Variants in TENM2 observed in about 807,000 individuals in gnomAD.
TENM2 encodes teneurin transmembrane protein 2.
TENM2 carries 52 observed loss-of-function variants against 245.2 expected under a neutral mutation model. The observed-to-expected ratio is 0.21, with a 90% CI of 0.17 to 0.27. TENM2 has a LOEUF of 0.27. TENM2 is among the 10% of genes least tolerant of loss of function. The probability of loss-of-function intolerance (pLI) is 1.00; values close to 1 mark genes in which losing one functional copy is unlikely to be tolerated. For missense variants in TENM2, 3,046 were observed against 3,666.8 expected (o/e 0.83, Z 4.37); for synonymous variants, 1,363 against 1,438.9 (o/e 0.95, Z 1.19).
chr5:167,179,545 T>G, the TENM2 span, among the ~76,000 whole-genome samples: 1 of 152,270 alleles, frequency 6.6e-6, no homozygotes, highest in African/African-American at 2.4e-5. Context: ...CTTTAGTAAA[T>G]AAGGCTTATT....
intron 3 of TENM2, among the ~76,000 whole-genome samples, chr5:167,886,364 C>A (rs1774290674): frequency 1.3e-5 from 2 of 152,074 alleles, no homozygotes; most frequent in Non-Finnish European, 2.9e-5. Context: ...CATGGCCCAG[C>A]TCTGAATAGC....
At chr5:167,472,977 A>G (rs1767132382) in intron 2 of TENM2, among the ~76,000 whole-genome samples, 1 of 152,194 alleles carries the variant, frequency 6.6e-6, no homozygotes, top group South Asian at 2.1e-4. Context: ...CTGGACAATA[A>G]ACAAATTGGG....
At chr5:167,045,650 A>G in the TENM2 span, among the ~76,000 whole-genome samples, 1 of 152,236 alleles carries the variant, frequency 6.6e-6, no homozygotes, top group Non-Finnish European at 1.5e-5. Context: ...GGAAAAGCAC[A>G]GCTAGTCTAT....
the TENM2 span, among the ~76,000 whole-genome samples, chr5:166,985,843 C>T: frequency 3.3e-5 from 5 of 151,922 alleles, no homozygotes; most frequent in Non-Finnish European, 7.4e-5. Flanking sequence ...AAGTCATCAC[C>T]CAAAAAAGTG....
chr5:167,340,527 C>T lies in TENM2; in HGVS notation c.227-34671C>T, dbSNP rs552493278. 5.3e-4 allele frequency among the ~76,000 whole-genome samples: 80 copies of T among 152,262 alleles called. 1 individual carries two copies. Among genetic ancestry groups the T allele is most frequent in the Admixed American group, 5.1e-3 (78 of 15,292 alleles). ...ACAGAGAGAGGTTTGGTATCCCTTC[C>T]TCTTCTTGTAAGGGCACCCTTCTAT... On this transcript the variant is annotated intron_variant, in intron 1 of 28. Coordinates refer to ENST00000518659, the Ensembl canonical transcript of TENM2.
At chr5:167,285,264 A>G (rs1771267143) in intron 1 of TENM2, among the ~76,000 whole-genome samples, 1 of 152,200 alleles carries the variant, frequency 6.6e-6, no homozygotes, top group Non-Finnish European at 1.5e-5. Flanking sequence ...TGGTTTCTCA[A>G]AACTATTCTC....
At chr5:167,996,719 T>TTTTGTTTGTTTGTTTG (rs71281808) in intron 5 of TENM2, among the ~76,000 whole-genome samples, 5,730 of 150,962 alleles carry the variant, frequency 0.038, 254 homozygotes, top group African/African-American at 0.096. Context: ...TTGAATCACT[T>TTTTGTTTGTTTGTTTG]TTTGTTTGTT....
At chr5:167,074,740 C>G in the TENM2 span, among the ~76,000 whole-genome samples, 4 of 152,146 alleles carry the variant, frequency 2.6e-5, no homozygotes, top group Non-Finnish European at 5.9e-5. Flanking sequence ...GGGTGCGCGG[C>G]CTGAACAGGG....
chr5:168,001,273 T>A (rs1474256580), intron 5 of TENM2, among the ~76,000 whole-genome samples: 1 of 152,178 alleles, frequency 6.6e-6, no homozygotes, highest in Non-Finnish European at 1.5e-5. Flanking sequence ...AAGCACCACA[T>A]TTAAGCCCTC....
At chr5:167,913,498 A>G (rs1221362270) in intron 3 of TENM2, among the ~76,000 whole-genome samples, 2 of 152,206 alleles carry the variant, frequency 1.3e-5, no homozygotes, top group African/African-American at 2.4e-5. Flanking sequence ...ACATGTTCCC[A>G]TTTCTCAATC....
At position 167,445,311 on chromosome 5, in the gene TENM2, T is replaced by TTA. The variant is rs755614167; in HGVS notation, c.502+69863_502+69864dup. ...GTCAGGCTTATTATAAACCATATGA[T>TTA]TATATATATATATATATATATATAT... is the stretch of plus-strand genomic sequence containing the variant. On this transcript the variant is annotated intron_variant, in intron 2 of 28. Transcript: ENST00000518659. Among the ~76,000 whole-genome samples, 534 of 69,920 alleles carry TTA rather than the reference T, an allele frequency of 7.6e-3. 3 individuals are homozygous for TTA. Among genetic ancestry groups the TTA allele is most frequent in the African/African-American group, 0.027 (317 of 11,914 alleles). The allele number at this position is 69,920 out of a possible 152,430, so 45.9% of individuals were successfully genotyped here. A position where few individuals can be genotyped will look rare whatever the true frequency, so the allele number is the denominator to read the frequency against.
At chr5:167,122,134 A>G in the TENM2 span, among the ~76,000 whole-genome samples, 8 of 152,180 alleles carry the variant, frequency 5.3e-5, no homozygotes, top group Admixed American at 2.0e-4. Flanking sequence ...ACCTTAATTT[A>G]CAAATAAATG....
the TENM2 span, among the ~76,000 whole-genome samples, chr5:167,220,073 C>T: frequency 6.6e-6 from 1 of 152,178 alleles, no homozygotes; most frequent in Non-Finnish European, 1.5e-5. Flanking sequence ...TGGACCAGGC[C>T]TCCGCAGTGC....
the TENM2 span, among the ~76,000 whole-genome samples, chr5:167,007,295 T>C: frequency 6.6e-6 from 1 of 152,196 alleles, no homozygotes; most frequent in Admixed American, 6.5e-5. The surrounding 1 kb of genome is among the most constrained non-coding windows in gnomAD (Gnocchi z 4.2). Flanking sequence ...TCCCAGCTCA[T>C]AGCTAAATGA....
chr5:167,285,054 C>T, exon 1 of TENM2: 1 of 1,551,750 alleles, frequency 6.4e-7, no homozygotes, highest in East Asian at 2.4e-5. Context: ...AGATGAGTTT[C>T]CTAGACAAGG....
chr5:168,065,123 A>C (rs1333383163), intron 7 of TENM2, among the ~76,000 whole-genome samples: 2 of 152,172 alleles, frequency 1.3e-5, no homozygotes, highest in Non-Finnish European at 2.9e-5. Flanking sequence ...GAGAAAGTGA[A>C]AGAGGTGGGG....
At chr5:167,859,024 G>A (rs1264351276) in intron 2 of TENM2, among the ~76,000 whole-genome samples, 1 of 150,586 alleles carries the variant, frequency 6.6e-6, no homozygotes, top group Non-Finnish European at 1.5e-5. Flanking sequence ...TGGAAAGTGA[G>A]GAGCGTCTCC....
At chr5:167,570,254 A>G (rs1003798859) in intron 2 of TENM2, among the ~76,000 whole-genome samples, 7 of 152,142 alleles carry the variant, frequency 4.6e-5, no homozygotes, top group African/African-American at 2.4e-5. Flanking sequence ...TGATTCTCTA[A>G]GGAATTGTGA....
chr5:167,722,330 G>A (rs1239639547), intron 2 of TENM2, among the ~76,000 whole-genome samples: 1 of 152,214 alleles, frequency 6.6e-6, no homozygotes, highest in African/African-American at 2.4e-5. Flanking sequence ...TGCAAAGGAT[G>A]CTATGGTCAG....
Sources: allele counts gnomAD v4.1 joint callset (sites outside exome capture counted in the v4.1 genomes callset), GRCh38; gene constraint gnomAD v4.1.1; non-coding constraint Gnocchi (gnomAD v3.1); transcripts MANE v1.5; gene names NCBI Gene and HGNC (gene_info 2026-07-23, HGNC 2026-07-21).